PATJ: variants seen among roughly 807,000 people sequenced by gnomAD.
The protein encoded by PATJ is inaD-like protein.
PATJ carries 190 observed loss-of-function variants against 224.9 expected under a neutral mutation model. The ratio of observed to expected loss-of-function variants is 0.84; its 90% CI spans 0.75 to 0.95. The LOEUF (loss-of-function observed/expected upper bound fraction) is 0.95. Ranked by LOEUF, PATJ falls within the 40% of genes least tolerant of loss-of-function variation. The pLI, the probability that PATJ is intolerant of heterozygous loss-of-function variation, is 0.00. For missense variants in PATJ, 2,121 were observed against 2,270.3 expected (o/e 0.93, Z 1.34); for synonymous variants, 769 against 820.3 (o/e 0.94, Z 1.07).
chr1:61,862,353 C>A (rs145859692), intron 19 of PATJ, among the ~76,000 whole-genome samples: 1 of 151,796 alleles, frequency 6.6e-6, no homozygotes, highest in Non-Finnish European at 1.5e-5. Flanking sequence ...TGCGCCACCA[C>A]GCCTGGCTAA....
chr1:61,908,415 T>A lies in PATJ; in HGVS notation c.3425T>A (p.Val1142Asp), dbSNP rs1672149259. The A allele has an allele frequency of 6.2e-7, 1 of 1,613,962 alleles. No homozygotes were observed. Among genetic ancestry groups the A allele is most frequent in the Non-Finnish European group, 8.5e-7 (1 of 1,179,866 alleles). ...DLQNASHSEA[V>D]EAIKNAGNPV... ...CAGAATGCCTCACACAGCGAAGCAG[T>A]TGAGGCCATTAAGAATGCAGGAAAC... is the stretch of plus-strand genomic sequence containing the variant. Residue 1142 changes from valine to aspartate, a missense_variant, in exon 25 of 44, where the codon GTT becomes GAT. Val to Asp is a radical substitution (Grantham distance 152). Transcript: ENST00000642238.
At chr1:61,794,762 C>T (rs1477137250) in intron 9 of PATJ, among the ~76,000 whole-genome samples, 3 of 151,780 alleles carry the variant, frequency 2.0e-5, no homozygotes, top group Non-Finnish European at 4.4e-5. Context: ...CCGAGGTGGG[C>T]GGATCACCTG....
At chr1:62,114,324 C>T (rs1219853529) in intron 35 of PATJ, 78 bp downstream of exon 35, 21 of 1,264,166 alleles carry the variant, frequency 1.7e-5, no homozygotes, top group Non-Finnish European at 2.3e-5. Flanking sequence ...AAAGAGAAAG[C>T]CTAATGTAAA....
intron 29 of PATJ, among the ~76,000 whole-genome samples, chr1:62,029,951 TG>T (rs1648888568): frequency 6.6e-6 from 1 of 152,162 alleles, no homozygotes. Context: ...TCATTGATGT[TG>T]GGTTATTTTC....
chr1:61,795,403 A>G, intron 9 of PATJ, 64 bp from the exon 10 acceptor site: 2 of 888,334 alleles, frequency 2.3e-6, no homozygotes, highest in Non-Finnish European at 3.6e-6. Flanking sequence ...CTCTTGATAC[A>G]AATTTTGCAA....
intron 6 of PATJ, 21 bp from the exon 7 acceptor site, chr1:61,775,185 T>C: frequency 6.2e-7 from 1 of 1,602,666 alleles, no homozygotes; most frequent in Non-Finnish European, 8.5e-7. Flanking sequence ...ACTGCGACTC[T>C]TATTTGCCAT....
Position 61,830,303 on chromosome 1 carries a change from A to G in PATJ, c.1980+2720A>G, listed in dbSNP as rs116831955. Among the ~76,000 whole-genome samples, 631 of 152,328 alleles carry G rather than the reference A, an allele frequency of 4.1e-3. 5 individuals carry two copies. Among genetic ancestry groups the G allele is most frequent in the African/African-American group, 0.014 (587 of 41,576 alleles). On this transcript the variant is annotated intron_variant, in intron 16 of 43. Transcript: ENST00000642238. ...CAAAATAACTGGAATACAGCTAACT[A>G]GGGAAGTGAAAGATGTCTACAATGA...
At chr1:61,763,807 C>G (rs535454596) in intron 3 of PATJ, among the ~76,000 whole-genome samples, 1 of 151,948 alleles carries the variant, frequency 6.6e-6, no homozygotes, top group Non-Finnish European at 1.5e-5. Context: ...TAGGTGTGTG[C>G]CACCACAGTT....
intron 20 of PATJ, among the ~76,000 whole-genome samples, chr1:61,869,310 T>A (rs182392946): frequency 6.6e-6 from 1 of 151,558 alleles, no homozygotes; most frequent in Admixed American, 6.6e-5. Context: ...GTTTCACCGT[T>A]TTAGCCGGGA....
chr1:62,066,267 A>C (rs1180041240), intron 31 of PATJ, among the ~76,000 whole-genome samples: 2 of 152,240 alleles, frequency 1.3e-5, no homozygotes. Context: ...CATTTTATAG[A>C]TAAGGAAACT....
chr1:61,786,706 T>G (rs1648609273), intron 7 of PATJ, among the ~76,000 whole-genome samples: 1 of 151,968 alleles, frequency 6.6e-6, no homozygotes, highest in Admixed American at 6.6e-5. Flanking sequence ...TAAAAATATA[T>G]CTTGGCCGGG....
At chr1:62,142,381 A>G (rs1667592877) in intron 41 of PATJ, among the ~76,000 whole-genome samples, 1 of 151,664 alleles carries the variant, frequency 6.6e-6, no homozygotes. Flanking sequence ...CCCAACACCT[A>G]TCTCCTTGTA....
At chr1:61,946,999 C>G (rs1678829548) in intron 27 of PATJ, among the ~76,000 whole-genome samples, 2 of 152,124 alleles carry the variant, frequency 1.3e-5, no homozygotes, top group African/African-American at 4.8e-5. Context: ...CAGAAAAGGC[C>G]TTTGACAAAA....
chr1:62,118,616 G>A (rs1481583136), intron 37 of PATJ, among the ~76,000 whole-genome samples: 1 of 151,148 alleles, frequency 6.6e-6, no homozygotes, highest in East Asian at 1.9e-4. Context: ...ATGTATGTGA[G>A]CATCTTCTTA....
chr1:61,934,486 A>G (rs1474797119), intron 27 of PATJ, among the ~76,000 whole-genome samples: 2 of 152,156 alleles, frequency 1.3e-5, no homozygotes, highest in Admixed American at 6.5e-5. Context: ...AGTACCTGCT[A>G]TGTGCCATAC....
At chr1:62,014,566 T>G (rs1470052507) in intron 28 of PATJ, among the ~76,000 whole-genome samples, 1 of 139,574 alleles carries the variant, frequency 7.2e-6, no homozygotes, top group Non-Finnish European at 1.6e-5. Flanking sequence ...TCTTTCCTTT[T>G]TTTTTTTTTT....
intron 32 of PATJ, among the ~76,000 whole-genome samples, chr1:62,082,354 C>T (rs1160402607): frequency 6.6e-6 from 1 of 152,218 alleles, no homozygotes; most frequent in East Asian, 1.9e-4. Flanking sequence ...TCTCTAACAG[C>T]CTCTTTAATA....
At chr1:62,040,183 T>G (rs2148523079) in intron 30 of PATJ, among the ~76,000 whole-genome samples, 1 of 150,820 alleles carries the variant, frequency 6.6e-6, no homozygotes, top group South Asian at 2.1e-4. Context: ...ATCTCGGCTC[T>G]CTGCAACCTC....
At chr1:62,154,529 C>T (rs1295759227) in intron 43 of PATJ, among the ~76,000 whole-genome samples, 1 of 151,648 alleles carries the variant, frequency 6.6e-6, no homozygotes, top group Non-Finnish European at 1.5e-5. Context: ...GGCATGGTGG[C>T]ACATGCCTGT....
Sources: gnomAD v4.1 joint callset for allele counts (sites outside exome capture counted in the v4.1 genomes callset) on GRCh38, gnomAD v4.1.1 for gene constraint, MANE v1.5 for transcripts, NCBI Gene and HGNC (gene_info 2026-07-23, HGNC 2026-07-21) for gene names.